SMARCA2: variants seen among roughly 807,000 people sequenced by gnomAD.
SMARCA2 encodes SWI/SNF related BAF chromatin remodeling complex subunit ATPase 2, also known as SWI/SNF-related matrix-associated actin-dependent regulator of chromatin subfamily A member 2.
SMARCA2 carries 61 observed loss-of-function variants against 199.8 expected under a neutral mutation model. The ratio of observed to expected loss-of-function variants is 0.31; its 90% CI spans 0.25 to 0.38. The LOEUF (loss-of-function observed/expected upper bound fraction) is 0.38. Among genes scored for constraint, SMARCA2 ranks in the 10% least tolerant of loss-of-function variants. The pLI, the probability that SMARCA2 is intolerant of heterozygous loss-of-function variation, is 1.00. For synonymous variants in SMARCA2, 935 were observed against 732.0 expected (o/e 1.28, Z -4.48); for missense variants, 1,344 against 2,012.2 (o/e 0.67, Z 6.35).
In SMARCA2 at chr9:2,151,339, T is replaced by G. The variant is rs536088338; in HGVS notation, c.3982-10347T>G. ...GAAAGTGCTGCAAAGAAACAGGTAG[T>G]AGTAATGAAGGAAGTGAAATTTGTT... On this transcript the variant is annotated intron_variant, in intron 27 of 33. Coordinates refer to ENST00000349721, the MANE Select transcript of SMARCA2 (RefSeq NM_003070.5). Among the ~76,000 whole-genome samples the G allele has an allele frequency of 3.2e-4, 49 of 151,518 alleles. No individual in the cohort carries two copies. In the Middle Eastern group the frequency reaches 0.01, roughly 32 times the overall value.
At chr9:2,050,807 C>G (rs1019057343) in intron 5 of SMARCA2, among the ~76,000 whole-genome samples, 20 of 152,312 alleles carry the variant, frequency 1.3e-4, no homozygotes, top group Middle Eastern at 6.8e-3. Context: ...TCAGATAACT[C>G]TCCTACAGGA....
At position 2,081,258 on chromosome 9, in the gene SMARCA2, T is replaced by C. The variant is rs142607871; in HGVS notation, c.2185-574T>C. On this transcript the variant is annotated intron_variant, in intron 14 of 33. Transcript: ENST00000349721. ...GAAATACGTTGAGCATGTTTCCAGT[T>C]GCCAGCTTCCAGTGTGCAGCCTTTG... Among the ~76,000 whole-genome samples, 988 of 152,308 alleles carry C rather than the reference T, an allele frequency of 6.5e-3. 17 individuals carry two copies. The highest frequency in any genetic ancestry group is 0.023 in the African/African-American group (942 of 41,554).
Position 2,109,877 on chromosome 9 carries a change from C to CA in SMARCA2, c.3293-376dup, listed in dbSNP as rs572865572. 1.8e-4 allele frequency among the ~76,000 whole-genome samples: 27 copies of CA among 152,186 alleles called. No homozygotes were observed. The South Asian group carries it at 5.4e-3, about 30-fold the overall frequency. On this transcript the variant is annotated intron_variant, in intron 23 of 33. Coordinates refer to ENST00000349721, the MANE Select transcript of SMARCA2 (RefSeq NM_003070.5). ...TAAGCCATTATTACAGTTTTAAGTG[C>CA]ACGTGTGTGTGTGTGAGAGTGAAAG...
chr9:2,031,979 T>C (rs1250034348), intron 2 of SMARCA2, among the ~76,000 whole-genome samples: 2 of 152,166 alleles, frequency 1.3e-5, no homozygotes, highest in Non-Finnish European at 2.9e-5. Flanking sequence ...TTTAACAGAC[T>C]CAGTGACACT....
chr9:2,021,045 G>A (rs934263326), intron 1 of SMARCA2, among the ~76,000 whole-genome samples: 2 of 152,148 alleles, frequency 1.3e-5, no homozygotes, highest in African/African-American at 4.8e-5. Context: ...CCGTATACCT[G>A]TAAGATTTAC....
intron 8 of SMARCA2, among the ~76,000 whole-genome samples, chr9:2,060,118 CAAAAAAAAAAAAAAAA>C (rs372329238): frequency 4.2e-4 from 26 of 62,408 alleles, no homozygotes; most frequent in Admixed American, 9.0e-4. Context: ...GATCTGTGGC[CAAAAAAAAAAAAAAAA>C]AAAAAAAAAA....
intron 1 of SMARCA2, among the ~76,000 whole-genome samples, chr9:2,020,233 T>G (rs1232630740): frequency 6.6e-6 from 1 of 152,230 alleles, no homozygotes; most frequent in African/African-American, 2.4e-5. Context: ...TCCTTTTTAA[T>G]GTAAAAGAAT....
At chr9:2,192,617 C>T in intron 33 of SMARCA2, 87 bp from the exon 34 acceptor site, 1 of 914,254 alleles carries the variant, frequency 1.1e-6, no homozygotes, top group Non-Finnish European at 1.8e-6. Context: ...TCATTTTTTC[C>T]TACTGGCCTC....
At chr9:2,061,971 G>A (rs1056347386) in intron 9 of SMARCA2, among the ~76,000 whole-genome samples, 4 of 152,156 alleles carry the variant, frequency 2.6e-5, no homozygotes, top group African/African-American at 4.8e-5. Context: ...CAGGGCTTGT[G>A]TTTAGACATT....
At chr9:2,184,209 T>C (rs1228721062) in intron 31 of SMARCA2, among the ~76,000 whole-genome samples, 1 of 152,184 alleles carries the variant, frequency 6.6e-6, no homozygotes, top group African/African-American at 2.4e-5. Context: ...ACTGATACTA[T>C]GATCACCTGC....
chr9:2,161,949 C>T lies in SMARCA2; in HGVS notation c.4199+46C>T, dbSNP rs2274095. 0.27 allele frequency: 398,273 copies of T among 1,500,228 alleles called. 58,422 individuals are homozygous for T. Among genetic ancestry groups the T allele is most frequent in the African/African-American group, 0.61 (44,005 of 72,296 alleles). The allele number at this position is 1,500,228 out of a possible 1,614,324, so 92.9% of individuals were successfully genotyped here. ...CCTTGATCATCTCTCACCAAGACGC[C>T]GAGTGGCGCTCCCTGAGGAGCAGGA... On this transcript the variant is annotated intron_variant, in intron 28 of 33. Transcript: ENST00000349721. This position sits in a 1 kb window ranked among gnomAD's most constrained non-coding sequence, Gnocchi z 4.7.
intron 16 of SMARCA2, among the ~76,000 whole-genome samples, chr9:2,083,702 G>A (rs986122561): frequency 3.3e-5 from 5 of 152,332 alleles, no homozygotes; most frequent in East Asian, 1.9e-4. Context: ...TGACTGGCTC[G>A]CTGTGGGCTG....
intron 9 of SMARCA2, among the ~76,000 whole-genome samples, chr9:2,067,266 T>G (rs907783961): frequency 1.3e-5 from 2 of 152,254 alleles, no homozygotes; most frequent in African/African-American, 4.8e-5. Flanking sequence ...ATATGCTAAG[T>G]GGAAAGCATT....
intron 28 of SMARCA2, among the ~76,000 whole-genome samples, chr9:2,165,185 A>ATGTT (rs1825875325): frequency 6.6e-6 from 1 of 152,226 alleles, no homozygotes; most frequent in East Asian, 1.9e-4. Context: ...CTTTGGTCAA[A>ATGTT]TGTTAGGGCT....
Position 2,017,776 on chromosome 9 carries a change from C to T in SMARCA2, c.-37+2372C>T, listed in dbSNP as rs901977314. ...ACCCCAAGCTCCGCGAACCCCGCGC[C>T]CCTTTTTGTTCCGCGTCCTCCAGGT... On this transcript the variant is annotated intron_variant, in intron 1 of 33. Coordinates refer to ENST00000349721, the MANE Select transcript of SMARCA2 (RefSeq NM_003070.5). This position sits in a 1 kb window ranked among gnomAD's most constrained non-coding sequence, Gnocchi z 8.8. The T allele has an allele frequency of 3.3e-5, 5 of 152,400 alleles. No individual in the cohort carries two copies. The highest frequency in any genetic ancestry group is 1.2e-4 in the African/African-American group (5 of 41,470). The allele number at this position is 152,400 out of a possible 1,614,324, so 9.4% of individuals were successfully genotyped here.
chr9:2,054,402 C>G (rs1404798742), intron 5 of SMARCA2, among the ~76,000 whole-genome samples, 195 bp from the exon 6 acceptor site: 1 of 152,168 alleles, frequency 6.6e-6, no homozygotes, highest in Non-Finnish European at 1.5e-5. Context: ...TAACATATAC[C>G]TGTCTGCATT....
In SMARCA2 at chr9:2,170,360, C is replaced by T; in HGVS notation, c.4200-59C>T. 1 of 1,607,508 alleles carries T rather than the reference C, an allele frequency of 6.2e-7. No homozygotes were observed. The highest frequency in any genetic ancestry group is 1.1e-5 in the South Asian group (1 of 90,166). On this transcript the variant is annotated intron_variant, in intron 28 of 33. Transcript: ENST00000349721. The surrounding 1 kb of genome is among the most constrained non-coding windows in gnomAD (Gnocchi z 4.7). ...GGTCACCCAGCCTAGGAAGAAGGAG[C>T]CGGGCGGGGACGAGAACCCAGGTCT...
chr9:2,191,350 G>A lies in SMARCA2; in HGVS notation c.4679G>A (p.Arg1560Gln), dbSNP rs537631853. The A allele has an allele frequency of 3.7e-6, 6 of 1,614,176 alleles. No individual in the cohort carries two copies. Among genetic ancestry groups the A allele is most frequent in the African/African-American group, 2.7e-5 (2 of 75,060 alleles). The change falls in exon 33 of 34, where the codon CGA becomes CAA. Residue 1560 changes from arginine to glutamine, a missense_variant. Physicochemically the swap from Arg to Gln is conservative, Grantham distance 43. This residue lies in a region of SMARCA2 where 155 missense variants were observed against 121.1 expected (regional missense o/e 1.28). Coordinates refer to ENST00000349721, the MANE Select transcript of SMARCA2 (RefSeq NM_003070.5). Reference sequence around the variant, plus strand: ...GGGAAAGGCAAGAAAAGGCCAAATCGAGGAAAAGCCAAACCTGTAGTGAGC... The same window carrying A: ...GGGAAAGGCAAGAAAAGGCCAAATCAAGGAAAAGCCAAACCTGTAGTGAGC... ...DKGKGKKRPN[R>Q]GKAKPVVSDF...
In SMARCA2 at chr9:2,123,749, G is replaced by T; in HGVS notation, c.3793G>T (p.Ala1265Ser). ...GGACATGGACCGGCGGAGGGAAGAT[G>T]CCCGGAACCCGAAACGGAAGCCCCG... ...RMDMDRRRED[A>S]RNPKRKPRLM... The change falls in exon 27 of 34, where the codon GCC (alanine) becomes TCC (serine). Residue 1265 changes from alanine to serine, a missense_variant. Coordinates refer to ENST00000349721, the MANE Select transcript of SMARCA2 (RefSeq NM_003070.5). The surrounding 1 kb of genome is among the most constrained non-coding windows in gnomAD (Gnocchi z 4.1). 4 of 1,614,132 alleles carry T rather than the reference G, an allele frequency of 2.5e-6. No individual in the cohort carries two copies. Among genetic ancestry groups the T allele is most frequent in the Non-Finnish European group, 3.4e-6 (4 of 1,180,010 alleles).
Sources: allele counts gnomAD v4.1 joint callset (sites outside exome capture counted in the v4.1 genomes callset), GRCh38; gene constraint gnomAD v4.1.1; regional missense constraint gnomAD v4.1.1; non-coding constraint Gnocchi (gnomAD v3.1); transcripts MANE v1.5; gene names NCBI Gene and HGNC (gene_info 2026-07-23, HGNC 2026-07-21).